The following ERGIC2 variants were observed in gnomAD, a reference collection of about 807,000 sequenced individuals.
The protein encoded by ERGIC2 is ERGIC and golgi 2, also known as endoplasmic reticulum-Golgi intermediate compartment protein 2.
In ERGIC2, 31 loss-of-function variants were observed where a neutral mutation model predicts 52.5. The ratio of observed to expected loss-of-function variants is 0.59; its 90% CI spans 0.44 to 0.80. ERGIC2 has a LOEUF of 0.80. Ranked by LOEUF, ERGIC2 falls within the 30% of genes least tolerant of loss-of-function variation. The probability of loss-of-function intolerance (pLI) is 0.00; values close to 1 mark genes in which losing one functional copy is unlikely to be tolerated. For missense variants in ERGIC2, 395 were observed against 455.2 expected, an observed-to-expected ratio of 0.87 and a Z score of 1.20; for synonymous variants, 129 against 140.6, an observed-to-expected ratio of 0.92 and a Z score of 0.58.
In ERGIC2 at chr12:29,356,445, C is replaced by T; in HGVS notation, c.509G>A (p.Cys170Tyr). The change falls in exon 8 of 14, where the codon TGC (cysteine) becomes TAC (tyrosine). Residue 170 changes from cysteine to tyrosine, a missense_variant. Cys to Tyr is a radical substitution (Grantham distance 194, BLOSUM62 -2). Coordinates refer to ENST00000360150, the MANE Select transcript of ERGIC2 (RefSeq NM_016570.3). Reference sequence around the variant, plus strand: ...GACATATAGATGGCCATGAATTCTGCATGCATTTGGAGACTGTGATGAATC... The same window carrying T: ...GACATATAGATGGCCATGAATTCTGTATGCATTTGGAGACTGTGATGAATC... The part of the protein sequence containing the change: ...EDDSSQSPNA[C>Y]RIHGHLYVNK... 2 of 1,602,006 alleles carry T rather than the reference C, an allele frequency of 1.2e-6. No individual in the cohort carries two copies.
At chr12:29,367,550 T>C (rs1940381392) in intron 4 of ERGIC2, among the ~76,000 whole-genome samples, 1 of 151,724 alleles carries the variant, frequency 6.6e-6, no homozygotes, top group African/African-American at 2.4e-5. Context: ...AAGAAAGAGA[T>C]TCAAGGTCGT....
intron 3 of ERGIC2, among the ~76,000 whole-genome samples, chr12:29,369,321 T>C (rs1940407512): frequency 6.6e-6 from 1 of 151,932 alleles, no homozygotes; most frequent in African/African-American, 2.4e-5. Flanking sequence ...AATACTATCC[T>C]GAATAGTACA....
At chr12:29,354,405 T>C (rs1591991365) in intron 8 of ERGIC2, among the ~76,000 whole-genome samples, 4 of 152,356 alleles carry the variant, frequency 2.6e-5, no homozygotes, top group Middle Eastern at 3.4e-3. Context: ...GTAGCAATTA[T>C]ACACTTAAAA....
intron 5 of ERGIC2, among the ~76,000 whole-genome samples, chr12:29,364,101 A>C (rs942458983): frequency 3.9e-4 from 59 of 152,140 alleles, no homozygotes; most frequent in African/African-American, 1.4e-3. Flanking sequence ...GCACAAAATA[A>C]GTTTATTTCA....
At chr12:29,374,702 C>T (rs1162513381) in intron 1 of ERGIC2, among the ~76,000 whole-genome samples, 1 of 152,118 alleles carries the variant, frequency 6.6e-6, no homozygotes, top group African/African-American at 2.4e-5. Context: ...TAGACTTAAG[C>T]TATTTCTAAA....
At chr12:29,366,825 C>T (rs370266873) in intron 5 of ERGIC2, 52 bp downstream of exon 5, 50 of 1,068,894 alleles carry the variant, frequency 4.7e-5, no homozygotes, top group African/African-American at 3.2e-4. Context: ...TGTCTTCAAG[C>T]GTACGATTCC....
At position 29,337,523 on chromosome 12, in the gene ERGIC2, G is replaced by A. The variant is rs1949805556; in HGVS notation, c.*3633C>T. The A allele has an allele frequency of 6.6e-6, 1 of 152,062 alleles. No homozygotes were observed. Among genetic ancestry groups the A allele is most frequent in the Non-Finnish European group, 1.5e-5 (1 of 68,006 alleles). 9.4% of individuals were successfully genotyped at this position (152,062 alleles called of 1,614,324 possible). ...AGTAGAAAAAAACTATGCTTTGATT[G>A]CATCATCACAATATGGGGGGGATAC... On this transcript the variant is annotated 3_prime_UTR_variant, in exon 14 of 14. Transcript: ENST00000360150.
chr12:29,376,320 C>T (rs1940514215), intron 1 of ERGIC2, among the ~76,000 whole-genome samples: 2 of 152,168 alleles, frequency 1.3e-5, no homozygotes, highest in African/African-American at 4.8e-5. Flanking sequence ...CACTTCCGTA[C>T]TTGTTGCTAT....
chr12:29,373,234 G>T (rs185017915), intron 1 of ERGIC2, among the ~76,000 whole-genome samples: 1 of 151,958 alleles, frequency 6.6e-6, no homozygotes, highest in Non-Finnish European at 1.5e-5. Context: ...TTATCAGCAC[G>T]TCATCTACAT....
At chr12:29,371,459 A>G (rs1334998835) in intron 2 of ERGIC2, 69 bp downstream of exon 2, 31 of 986,684 alleles carry the variant, frequency 3.1e-5, no homozygotes, top group Non-Finnish European at 4.1e-5. Flanking sequence ...CTACATTTCT[A>G]TATGTTGTTG....
intron 1 of ERGIC2, 34 bp from the exon 2 acceptor site, chr12:29,371,704 C>T (rs539921466): frequency 1.0e-6 from 1 of 966,416 alleles, no homozygotes; most frequent in Non-Finnish European, 1.6e-6. Flanking sequence ...ATAAATGAAT[C>T]CTTTAAAGAG....
chr12:29,380,650 G>C (rs1451836296), intron 1 of ERGIC2: 1 of 151,926 alleles, frequency 6.6e-6, no homozygotes, highest in Non-Finnish European at 1.5e-5. Flanking sequence ...TTCCGGGCAA[G>C]GCCAAGACTC....
chr12:29,352,975 T>C (rs1940153349), intron 8 of ERGIC2, among the ~76,000 whole-genome samples: 1 of 152,166 alleles, frequency 6.6e-6, no homozygotes, highest in Non-Finnish European at 1.5e-5. Context: ...ACTAAAAAAC[T>C]GAAAATAGAA....
At chr12:29,357,006 T>C (rs965481687) in intron 7 of ERGIC2, among the ~76,000 whole-genome samples, 1 of 151,336 alleles carries the variant, frequency 6.6e-6, no homozygotes, top group Non-Finnish European at 1.5e-5. Context: ...CTTGCTCTGC[T>C]ACCCAGGCTG....
At chr12:29,370,317 A>T in intron 2 of ERGIC2, 95 bp from the exon 3 acceptor site, 4 of 1,325,602 alleles carry the variant, frequency 3.0e-6, no homozygotes, top group Non-Finnish European at 4.0e-6. Flanking sequence ...TTTTCAAAAG[A>T]AAAAGCCTAA....
chr12:29,380,200 T>C (rs759218427), intron 1 of ERGIC2, among the ~76,000 whole-genome samples: 3 of 152,246 alleles, frequency 2.0e-5, no homozygotes, highest in Middle Eastern at 3.4e-3. Flanking sequence ...ACAAACAAAT[T>C]AGGTAAATAA....
rs1016247394 is a variant in ERGIC2, at chr12:29,338,951, A to G, written c.*2205T>C. 4 of 152,320 alleles carry G rather than the reference A, an allele frequency of 2.6e-5. No individual in the cohort carries two copies. Among genetic ancestry groups the G allele is most frequent in the African/African-American group, 4.8e-5 (2 of 41,560 alleles). 9.4% of individuals were successfully genotyped at this position (152,320 alleles called of 1,614,324 possible). A position where few individuals can be genotyped will look rare whatever the true frequency, so the allele number is the denominator to read the frequency against. Reference sequence around the variant, plus strand: ...CACCTCCAGGCATAGGGAAAGTTGCATAACAGGTAGGTGAGTAAAGTGCTC... The same window carrying G: ...CACCTCCAGGCATAGGGAAAGTTGCGTAACAGGTAGGTGAGTAAAGTGCTC... On this transcript the variant is annotated 3_prime_UTR_variant, in exon 14 of 14. Coordinates refer to ENST00000360150, the MANE Select transcript of ERGIC2 (RefSeq NM_016570.3).
At chr12:29,345,583 A>G (rs766494620) in intron 10 of ERGIC2, 43 bp from the exon 11 acceptor site, 1 of 959,090 alleles carries the variant, frequency 1.0e-6, no homozygotes. Flanking sequence ...GTAGCAACAA[A>G]ACTACTGCCA....
chr12:29,377,888 T>C (rs1673629955), intron 1 of ERGIC2, among the ~76,000 whole-genome samples: 1 of 152,234 alleles, frequency 6.6e-6, no homozygotes, highest in Non-Finnish European at 1.5e-5. Flanking sequence ...AGACAAAAGT[T>C]ATTTCCTGCT....
Sources: allele counts gnomAD v4.1 joint callset (sites outside exome capture counted in the v4.1 genomes callset), GRCh38; gene constraint gnomAD v4.1.1; transcripts MANE v1.5; gene names NCBI Gene and HGNC (gene_info 2026-07-23, HGNC 2026-07-21).